TMEM120B: variants seen among roughly 807,000 people sequenced by gnomAD.
TMEM120B encodes transmembrane protein 120B.
A neutral mutation model predicts 55.5 loss-of-function variants in TMEM120B; 31 were observed. That is an observed-to-expected ratio of 0.56 (90% CI 0.42 to 0.75). The LOEUF is 0.75. Among genes scored for constraint, TMEM120B ranks in the 30% least tolerant of loss-of-function variants. The probability of loss-of-function intolerance (pLI) is 0.00; values close to 1 mark genes in which losing one functional copy is unlikely to be tolerated. For synonymous variants in TMEM120B, 203 were observed against 176.3 expected, an observed-to-expected ratio of 1.15 and a Z score of -1.20; for missense variants, 399 against 425.5, an observed-to-expected ratio of 0.94 and a Z score of 0.55.
intron 5 of TMEM120B, among the ~76,000 whole-genome samples, chr12:121,754,904 T>A (rs1314834325): frequency 6.6e-6 from 1 of 152,110 alleles, no homozygotes; most frequent in Non-Finnish European, 1.5e-5. Context: ...TGCCCTGCTG[T>A]TTAACCTTAG....
intron 5 of TMEM120B, among the ~76,000 whole-genome samples, chr12:121,759,602 C>G (rs1379459666): frequency 6.6e-6 from 1 of 151,658 alleles, no homozygotes; most frequent in Non-Finnish European, 1.5e-5. Flanking sequence ...CGCTTGAACC[C>G]AGGAGGTGGA....
chr12:121,771,089 G>A, intron 7 of TMEM120B, 117 bp downstream of exon 7: 1 of 1,136,164 alleles, frequency 8.8e-7, no homozygotes, highest in East Asian at 2.5e-5. Context: ...GCCAACTTGG[G>A]AAAGAAAGTA....
intron 6 of TMEM120B, among the ~76,000 whole-genome samples, chr12:121,763,314 C>T (rs1412822919): frequency 6.6e-6 from 1 of 151,952 alleles, no homozygotes; most frequent in Non-Finnish European, 1.5e-5. Flanking sequence ...AGGCGCCCGC[C>T]ACCACACCCG....
chr12:121,729,453 A>C (rs1894955312), intron 1 of TMEM120B, among the ~76,000 whole-genome samples: 1 of 152,188 alleles, frequency 6.6e-6, no homozygotes, highest in Non-Finnish European at 1.5e-5. Flanking sequence ...TCCTCAAAAA[A>C]TTAAACATCG....
intron 5 of TMEM120B, among the ~76,000 whole-genome samples, chr12:121,757,028 C>A (rs1479482268): frequency 2.6e-5 from 4 of 151,958 alleles, no homozygotes; most frequent in Non-Finnish European, 5.9e-5. Flanking sequence ...ACTTCGGCAG[C>A]ACCAGAGAGC....
intron 1 of TMEM120B, among the ~76,000 whole-genome samples, chr12:121,739,168 CAA>C (rs920005956): frequency 2.0e-5 from 3 of 152,174 alleles, no homozygotes; most frequent in African/African-American, 7.2e-5. Context: ...GCCTGGGCGA[CAA>C]GAGTCAAACT....
At chr12:121,771,106 T>C in intron 7 of TMEM120B, 134 bp downstream of exon 7, 2 of 1,005,042 alleles carry the variant, frequency 2.0e-6, no homozygotes, top group South Asian at 2.7e-5. Flanking sequence ...AGTATGAGCC[T>C]GCAGCTGCGC....
intron 1 of TMEM120B, among the ~76,000 whole-genome samples, chr12:121,724,673 C>A (rs889151968): frequency 6.6e-6 from 1 of 150,798 alleles, no homozygotes; most frequent in Non-Finnish European, 1.5e-5. Context: ...TGCAGTCGCG[C>A]AATCTCGACT....
chr12:121,765,930 G>T (rs1161830469), intron 6 of TMEM120B, among the ~76,000 whole-genome samples: 2 of 151,486 alleles, frequency 1.3e-5, no homozygotes, highest in African/African-American at 4.8e-5. Context: ...GTGAGACTGG[G>T]ATGAACTCTA....
At chr12:121,760,749 A>G (rs1174081907) in intron 5 of TMEM120B, among the ~76,000 whole-genome samples, 1 of 152,024 alleles carries the variant, frequency 6.6e-6, no homozygotes, top group Non-Finnish European at 1.5e-5. Context: ...AGAGACAGTT[A>G]ACAACCACCT....
chr12:121,728,363 C>G (rs896756021), intron 1 of TMEM120B, among the ~76,000 whole-genome samples: 6 of 151,870 alleles, frequency 4.0e-5, no homozygotes, highest in Non-Finnish European at 7.4e-5. Context: ...GTGGTGGGCG[C>G]CTGTGGTCCC....
chr12:121,729,315 GA>G (rs1315247810), intron 1 of TMEM120B, among the ~76,000 whole-genome samples: 1 of 152,190 alleles, frequency 6.6e-6, no homozygotes, highest in Non-Finnish European at 1.5e-5. Context: ...GGGCCTGCTG[GA>G]GACACCCTGA....
chr12:121,736,745 A>G (rs902865601), intron 1 of TMEM120B, among the ~76,000 whole-genome samples: 25 of 149,492 alleles, frequency 1.7e-4, no homozygotes, highest in East Asian at 4.0e-4. Context: ...AGGTTTCACC[A>G]TGTTGGCAAG....
chr12:121,775,427 C>T lies in TMEM120B; in HGVS notation c.907-182C>T. On this transcript the variant is annotated intron_variant, in intron 11 of 11. Coordinates refer to ENST00000449592, the MANE Select transcript of TMEM120B (RefSeq NM_001080825.2). This position sits in a 1 kb window ranked among gnomAD's most constrained non-coding sequence, Gnocchi z 4.3. ...GAGGTTCGCCCCATCGAGCCCTTCC[C>T]AGGCCCTGCCCAAGCCTGAGGCCTC... The T allele has an allele frequency of 1.0e-6, 1 of 985,248 alleles. No individual in the cohort carries two copies. Among genetic ancestry groups the T allele is most frequent in the Non-Finnish European group, 1.2e-6 (1 of 829,848 alleles). 61.0% of individuals were successfully genotyped at this position (985,248 alleles called of 1,614,324 possible). A position where few individuals can be genotyped will look rare whatever the true frequency, so the allele number is the denominator to read the frequency against.
intron 9 of TMEM120B, 92 bp downstream of exon 9, chr12:121,773,605 C>A: frequency 2.1e-6 from 2 of 945,194 alleles, no homozygotes; most frequent in Non-Finnish European, 3.1e-6. Flanking sequence ...ACCTCCCATA[C>A]AGCGGAGCCA....
chr12:121,775,823 G>GC lies in TMEM120B; in HGVS notation c.*104dup, dbSNP rs1566528343. The GC allele has an allele frequency of 7.7e-7, 1 of 1,297,954 alleles. No homozygotes were observed. The highest frequency in any genetic ancestry group is 1.2e-5 in the South Asian group (1 of 81,922). 80.4% of individuals were successfully genotyped at this position (1,297,954 alleles called of 1,614,324 possible). ...AGGCCCGTGGCATCGCTGGGAGAGG[G>GC]CCCAGGCCCTGGTCCCCCAGTGGAC... On this transcript the variant is annotated 3_prime_UTR_variant, in exon 12 of 12. Coordinates refer to ENST00000449592, the MANE Select transcript of TMEM120B (RefSeq NM_001080825.2). The surrounding 1 kb of genome is among the most constrained non-coding windows in gnomAD (Gnocchi z 4.3).
intron 6 of TMEM120B, among the ~76,000 whole-genome samples, chr12:121,770,349 C>T (rs1873997964): frequency 6.6e-6 from 1 of 152,048 alleles, no homozygotes. Context: ...CCAGTGTGAC[C>T]TTGTTTTACC....
At chr12:121,773,548 G>T (rs754371941) in intron 9 of TMEM120B, 35 bp downstream of exon 9, 48 of 1,506,300 alleles carry the variant, frequency 3.2e-5, no homozygotes, top group Non-Finnish European at 3.3e-5. Context: ...GCCGGGGCAG[G>T]TACTGGACCT....
chr12:121,719,074 T>G (rs553299255), intron 1 of TMEM120B, among the ~76,000 whole-genome samples: 38 of 152,220 alleles, frequency 2.5e-4, no homozygotes, highest in African/African-American at 6.7e-4. Context: ...TTGGCCCAGC[T>G]TGGGTCATGT....
Sources: allele counts gnomAD v4.1 joint callset (sites outside exome capture counted in the v4.1 genomes callset), GRCh38; gene constraint gnomAD v4.1.1; non-coding constraint Gnocchi (gnomAD v3.1); transcripts MANE v1.5; gene names NCBI Gene and HGNC (gene_info 2026-07-23, HGNC 2026-07-21).